The following OPCML variants were observed in gnomAD, a reference collection of about 807,000 sequenced individuals.
OPCML encodes opioid binding protein/cell adhesion molecule like.
A neutral mutation model predicts 37.8 loss-of-function variants in OPCML; 13 were observed. The observed-to-expected ratio is 0.34, with a 90% CI of 0.22 to 0.55. The LOEUF is 0.55. Ranked by LOEUF, OPCML falls within the 20% of genes least tolerant of loss-of-function variation. The pLI, the probability that OPCML is intolerant of heterozygous loss-of-function variation, is 0.91. For missense variants in OPCML, 341 were observed against 435.6 expected (o/e 0.78, Z 1.93); for synonymous variants, 176 against 168.8 (o/e 1.04, Z -0.33).
chr11:133,406,330 T>G (rs1945525339), intron 1 of OPCML, among the ~76,000 whole-genome samples: 2 of 152,046 alleles, frequency 1.3e-5, no homozygotes, highest in South Asian at 4.2e-4. Flanking sequence ...TCTTCCATCC[T>G]CAGTGGGAAC....
At position 132,893,217 on chromosome 11, in the gene OPCML, G is replaced by A. The variant is rs574029567; in HGVS notation, c.146+49709C>T. Reference sequence around the variant, plus strand: ...CCTATGGTTGCAGTGAGCCAAGATCGTGCCGCTGCACTCCAGCCTGGGGGA... The same window carrying A: ...CCTATGGTTGCAGTGAGCCAAGATCATGCCGCTGCACTCCAGCCTGGGGGA... On this transcript the variant is annotated intron_variant, in intron 2 of 7. Coordinates refer to ENST00000524381, the MANE Select transcript of OPCML (RefSeq NM_001012393.5). Among the ~76,000 whole-genome samples the A allele has an allele frequency of 4.0e-5, 6 of 151,524 alleles. No homozygotes were observed. In the East Asian group the frequency reaches 7.9e-4, roughly 20 times the overall value.
chr11:133,158,712 AAAAATAAAATAAAAT>A (rs560451941), intron 1 of OPCML, among the ~76,000 whole-genome samples: 26 of 134,256 alleles, frequency 1.9e-4, no homozygotes, highest in African/African-American at 2.7e-4. Context: ...ATAAAATTAA[AAAAATAAAATAAAAT>A]AAAATAAAAT....
At chr11:133,181,089 T>G (rs904945419) in intron 1 of OPCML, among the ~76,000 whole-genome samples, 1 of 152,216 alleles carries the variant, frequency 6.6e-6, no homozygotes, top group African/African-American at 2.4e-5. Context: ...TGTGTAACAC[T>G]TTTAAAATAA....
chr11:133,078,515 C>T (rs1466878530), intron 1 of OPCML, among the ~76,000 whole-genome samples: 3 of 152,110 alleles, frequency 2.0e-5, no homozygotes, highest in East Asian at 1.9e-4. Flanking sequence ...TAGCCTGTGC[C>T]GGAGTGAAAA....
chr11:133,240,197 C>T (rs1453827), intron 1 of OPCML, among the ~76,000 whole-genome samples: 16,888 of 135,422 alleles, frequency 0.12, 1,744 homozygotes, highest in East Asian at 0.52. Context: ...TGAATGAATA[C>T]TCCCACACTT....
chr11:133,460,540 G>T (rs1946833631), intron 1 of OPCML, among the ~76,000 whole-genome samples: 1 of 151,766 alleles, frequency 6.6e-6, no homozygotes, highest in Non-Finnish European at 1.5e-5. Context: ...AAATAGAAAA[G>T]ATTATAAGGA....
chr11:132,580,756 T>C (rs1490872424), intron 3 of OPCML, among the ~76,000 whole-genome samples: 1 of 152,200 alleles, frequency 6.6e-6, no homozygotes, highest in Admixed American at 6.5e-5. Flanking sequence ...TACCTCCCTT[T>C]ACTCACTTCT....
At position 132,926,870 on chromosome 11, in the gene OPCML, A is replaced by T. The variant is rs1012366059; in HGVS notation, c.146+16056T>A. Among the ~76,000 whole-genome samples the T allele has an allele frequency of 2.0e-5, 3 of 152,114 alleles. No individual in the cohort carries two copies. In the East Asian group the frequency reaches 5.8e-4, roughly 29 times the overall value. Reference sequence around the variant, plus strand: ...ATATATGAATAAAATTAGACTATGAAAAAAGGGATGAAATAATAGAAAAAG... The same window carrying T: ...ATATATGAATAAAATTAGACTATGATAAAAGGGATGAAATAATAGAAAAAG... On this transcript the variant is annotated intron_variant, in intron 2 of 7. Coordinates refer to ENST00000524381, the MANE Select transcript of OPCML (RefSeq NM_001012393.5).
chr11:132,998,361 G>GA (rs1377753809), intron 1 of OPCML, among the ~76,000 whole-genome samples: 1 of 152,112 alleles, frequency 6.6e-6, no homozygotes, highest in Non-Finnish European at 1.5e-5. Context: ...CTTCTCACTT[G>GA]GGGGGAGCCT....
At chr11:133,492,493 G>A (rs1947685904) in intron 1 of OPCML, among the ~76,000 whole-genome samples, 2 of 152,048 alleles carry the variant, frequency 1.3e-5, no homozygotes, top group Non-Finnish European at 2.9e-5. Flanking sequence ...AAAATCATGG[G>A]TAAAAAGGCT....
In OPCML at chr11:132,880,068, C is replaced by G. The variant is rs892051501; in HGVS notation, c.146+62858G>C. 1.2e-4 allele frequency among the ~76,000 whole-genome samples: 18 copies of G among 152,284 alleles called. 1 individual carries two copies. Among genetic ancestry groups the G allele is most frequent in the Admixed American group, 1.1e-3 (17 of 15,296 alleles). On this transcript the variant is annotated intron_variant, in intron 2 of 7. Coordinates refer to ENST00000524381, the MANE Select transcript of OPCML (RefSeq NM_001012393.5). The stretch of plus-strand genomic sequence containing the variant: ...CCTTCTCCCTCACTTTTCCTTACTT[C>G]CTTTACTTCCAAACACTTTCGCTGA...
Position 133,150,199 on chromosome 11 carries a change from C to A in OPCML, c.62-207189G>T, listed in dbSNP as rs116445593. Among the ~76,000 whole-genome samples the A allele has an allele frequency of 5.9e-3, 900 of 152,332 alleles. 9 individuals carry two copies. Among genetic ancestry groups the A allele is most frequent in the African/African-American group, 0.021 (868 of 41,558 alleles). On this transcript the variant is annotated intron_variant, in intron 1 of 7. Transcript: ENST00000524381. Reference sequence around the variant, plus strand: ...TCACAGCCTCCAGATATATCAGGTGCCCATTTAGGGCATGCTAGTAATAAT... The same window carrying A: ...TCACAGCCTCCAGATATATCAGGTGACCATTTAGGGCATGCTAGTAATAAT...
chr11:132,938,866 C>T (rs1045596280), intron 2 of OPCML, among the ~76,000 whole-genome samples: 3 of 152,158 alleles, frequency 2.0e-5, no homozygotes, highest in African/African-American at 7.2e-5. Flanking sequence ...CCTGGCTCCA[C>T]ATTAGAAATA....
At chr11:132,477,608 A>T (rs1359475917) in intron 4 of OPCML, among the ~76,000 whole-genome samples, 1 of 152,208 alleles carries the variant, frequency 6.6e-6, no homozygotes. Flanking sequence ...AGATTGAGAG[A>T]GGAGAGCACT....
chr11:133,020,623 T>C (rs367884719), intron 1 of OPCML, among the ~76,000 whole-genome samples: 2 of 152,172 alleles, frequency 1.3e-5, no homozygotes, highest in African/African-American at 4.8e-5. Context: ...AACTCAGGAT[T>C]AGAGAAAAAG....
intron 3 of OPCML, among the ~76,000 whole-genome samples, chr11:132,619,708 C>T (rs950663600): frequency 1.3e-5 from 2 of 149,568 alleles, no homozygotes; most frequent in African/African-American, 2.5e-5. Flanking sequence ...AAAAATTAGC[C>T]GGGCGTGGTG....
intron 3 of OPCML, among the ~76,000 whole-genome samples, chr11:132,639,632 T>C (rs1940729649): frequency 6.6e-6 from 1 of 152,184 alleles, no homozygotes; most frequent in African/African-American, 2.4e-5. Flanking sequence ...TAAATGTAAA[T>C]ATATGCAAAT....
chr11:133,511,698 G>T (rs991456797), intron 1 of OPCML, among the ~76,000 whole-genome samples: 1 of 151,044 alleles, frequency 6.6e-6, no homozygotes, highest in Non-Finnish European at 1.5e-5. Flanking sequence ...ATAGCCTGAT[G>T]TACTTTTTTT....
intron 1 of OPCML, among the ~76,000 whole-genome samples, chr11:133,060,205 T>TCCCTCC (rs1948315770): frequency 1.4e-5 from 2 of 144,912 alleles, no homozygotes; most frequent in Middle Eastern, 3.5e-3. Context: ...CCTCTCCCTC[T>TCCCTCC]CCCTCCCCCT....
Sources: gnomAD v4.1 joint callset for allele counts (sites outside exome capture counted in the v4.1 genomes callset) on GRCh38, gnomAD v4.1.1 for gene constraint, MANE v1.5 for transcripts, NCBI Gene and HGNC (gene_info 2026-07-23, HGNC 2026-07-21) for gene names.